The following KCNK13 variants were observed in gnomAD, a reference collection of about 807,000 sequenced individuals.
KCNK13 encodes the protein potassium two pore domain channel subfamily K member 13.
A neutral mutation model predicts 23.4 loss-of-function variants in KCNK13; 12 were observed. The ratio of observed to expected loss-of-function variants is 0.51; its 90% CI spans 0.33 to 0.83. KCNK13 has a LOEUF of 0.83. Among genes scored for constraint, KCNK13 ranks in the 40% least tolerant of loss-of-function variants. The pLI, the probability that KCNK13 is intolerant of heterozygous loss-of-function variation, is 0.02. For synonymous variants in KCNK13, 231 were observed against 229.5 expected, an observed-to-expected ratio of 1.01 and a Z score of -0.06; for missense variants, 463 against 556.3, an observed-to-expected ratio of 0.83 and a Z score of 1.69.
intron 1 of KCNK13, among the ~76,000 whole-genome samples, chr14:90,126,515 A>G (rs1889803181): frequency 7.2e-6 from 1 of 138,828 alleles, no homozygotes; most frequent in Non-Finnish European, 1.5e-5. Context: ...TCTTTCCCAA[A>G]ACCCATGACT....
At chr14:90,119,167 A>G (rs1304940834) in intron 1 of KCNK13, among the ~76,000 whole-genome samples, 1 of 152,174 alleles carries the variant, frequency 6.6e-6, no homozygotes, top group Non-Finnish European at 1.5e-5. Flanking sequence ...ACCAACCAAA[A>G]AAAAGCACAG....
intron 1 of KCNK13, among the ~76,000 whole-genome samples, chr14:90,101,406 A>G (rs1184314037): frequency 2.6e-5 from 4 of 152,090 alleles, no homozygotes; most frequent in Admixed American, 6.6e-5. Context: ...CAGGGGCATC[A>G]CATTCAGAAA....
intron 1 of KCNK13, among the ~76,000 whole-genome samples, chr14:90,171,872 C>T (rs574442118): frequency 6.6e-6 from 1 of 152,138 alleles, no homozygotes; most frequent in South Asian, 2.1e-4. Flanking sequence ...ATTTGGGGGC[C>T]CCAAGATTTA....
intron 1 of KCNK13, among the ~76,000 whole-genome samples, chr14:90,082,827 T>C (rs920816457): frequency 8.5e-5 from 13 of 152,238 alleles, no homozygotes; most frequent in Non-Finnish European, 1.8e-4. Context: ...TTGGAATTGC[T>C]AGGTCATGTA....
intron 1 of KCNK13, among the ~76,000 whole-genome samples, chr14:90,078,409 G>A (rs1596767612): frequency 2.2e-5 from 3 of 139,400 alleles, no homozygotes. Flanking sequence ...GACAGAGCAA[G>A]ACAGTCTCAA....
intron 1 of KCNK13, among the ~76,000 whole-genome samples, chr14:90,076,799 T>C (rs1889140071): frequency 6.6e-6 from 1 of 152,178 alleles, no homozygotes; most frequent in South Asian, 2.1e-4. Flanking sequence ...ATTGTTTTTC[T>C]ATTCTGGAGA....
At chr14:90,086,170 T>G (rs940135421) in intron 1 of KCNK13, among the ~76,000 whole-genome samples, 4 of 152,160 alleles carry the variant, frequency 2.6e-5, no homozygotes, top group African/African-American at 9.7e-5. Flanking sequence ...TTATAGGTAC[T>G]GCCAAGTTTT....
At chr14:90,117,711 T>C (rs1221553399) in intron 1 of KCNK13, among the ~76,000 whole-genome samples, 1 of 152,226 alleles carries the variant, frequency 6.6e-6, no homozygotes, top group Non-Finnish European at 1.5e-5. Context: ...GGACCACTTG[T>C]ATACAATGAA....
chr14:90,179,238 G>T (rs1890458390), intron 1 of KCNK13, among the ~76,000 whole-genome samples: 1 of 152,030 alleles, frequency 6.6e-6, no homozygotes, highest in Admixed American at 6.5e-5. Context: ...TTGACAGAAT[G>T]TTGATAATTT....
intron 1 of KCNK13, among the ~76,000 whole-genome samples, chr14:90,121,860 C>T (rs192912673): frequency 7.1e-4 from 108 of 152,074 alleles, no homozygotes; most frequent in Non-Finnish European, 1.2e-3. Context: ...GCTGGAATTA[C>T]AGGCGTGCAA....
chr14:90,114,553 G>A (rs908757062), intron 1 of KCNK13, among the ~76,000 whole-genome samples: 9 of 152,324 alleles, frequency 5.9e-5, no homozygotes, highest in East Asian at 3.9e-4. Context: ...GGTTAAGCCT[G>A]GCCTTAATTA....
intron 1 of KCNK13, among the ~76,000 whole-genome samples, chr14:90,100,048 C>T (rs1298923070): frequency 2.6e-5 from 4 of 152,130 alleles, no homozygotes; most frequent in Non-Finnish European, 5.9e-5. Flanking sequence ...CCTGCCCTTC[C>T]CATCGCAAGC....
chr14:90,179,632 G>A (rs1340262518), intron 1 of KCNK13, among the ~76,000 whole-genome samples: 1 of 152,172 alleles, frequency 6.6e-6, no homozygotes, highest in East Asian at 1.9e-4. Flanking sequence ...ATTCGCCGTT[G>A]GTTCTCGATC....
At chr14:90,107,914 A>G in intron 1 of KCNK13, 1 of 754,848 alleles carries the variant, frequency 1.3e-6, no homozygotes. Context: ...AAGATTGTAT[A>G]GGCAGATGCA....
intron 1 of KCNK13, among the ~76,000 whole-genome samples, chr14:90,116,195 A>G (rs538413394): frequency 3.7e-4 from 56 of 152,320 alleles, no homozygotes; most frequent in African/African-American, 1.3e-3. Context: ...CCACACAGAT[A>G]GAAACATAAG....
intron 1 of KCNK13, among the ~76,000 whole-genome samples, chr14:90,140,300 A>G (rs1156694811): frequency 2.0e-5 from 3 of 152,194 alleles, no homozygotes; most frequent in Non-Finnish European, 4.4e-5. Context: ...TAAAAGATGT[A>G]AGAGACTTGT....
intron 1 of KCNK13, among the ~76,000 whole-genome samples, chr14:90,082,087 A>G (rs1889219542): frequency 6.6e-6 from 1 of 152,184 alleles, no homozygotes; most frequent in Non-Finnish European, 1.5e-5. Context: ...TTCAAAACAG[A>G]GTCTCACTTT....
At chr14:90,107,720 G>A (rs1878483223) in intron 1 of KCNK13, 1 of 778,782 alleles carries the variant, frequency 1.3e-6, no homozygotes, top group Non-Finnish European at 2.3e-6. Flanking sequence ...TGGGAAGGTG[G>A]TTGTGTTCAT....
At chr14:90,151,229 A>G (rs939368018) in intron 1 of KCNK13, among the ~76,000 whole-genome samples, 16 of 152,198 alleles carry the variant, frequency 1.1e-4, no homozygotes, top group African/African-American at 3.4e-4. Flanking sequence ...CAGAGCCTCA[A>G]AAGTAACCTA....
Sources: gnomAD v4.1 joint callset for allele counts (sites outside exome capture counted in the v4.1 genomes callset) on GRCh38, gnomAD v4.1.1 for gene constraint, MANE v1.5 for transcripts, NCBI Gene and HGNC (gene_info 2026-07-23, HGNC 2026-07-21) for gene names.